ZNF335: variants seen among roughly 807,000 people sequenced by gnomAD.
ZNF335 encodes zinc finger protein 335.
ZNF335 carries 84 observed loss-of-function variants against 145.6 expected under a neutral mutation model. The observed-to-expected ratio is 0.58, with a 90% confidence interval of 0.48 to 0.69. ZNF335 has a LOEUF of 0.69. ZNF335 is among the 30% of genes least tolerant of loss of function. ZNF335 has a pLI of 0.00. For synonymous variants in ZNF335, 761 were observed against 717.0 expected, an observed-to-expected ratio of 1.06 and a Z score of -0.98; for missense variants, 1,865 against 1,809.7, an observed-to-expected ratio of 1.03 and a Z score of -0.55.
intron 6 of ZNF335, among the ~76,000 whole-genome samples, chr20:45,966,374 G>A (rs759726732): frequency 1.3e-5 from 2 of 151,624 alleles, no homozygotes; most frequent in South Asian, 2.1e-4. Context: ...CACTGTGCCC[G>A]GCCAAAACTC....
At chr20:45,963,368 T>A (rs1291697917) in intron 9 of ZNF335, 105 bp downstream of exon 9, 3 of 1,314,012 alleles carry the variant, frequency 2.3e-6, no homozygotes, top group Non-Finnish European at 2.1e-6. Flanking sequence ...CAGGAGAGCG[T>A]GACCCAGAAT....
At chr20:45,952,944 A>G (rs922271219) in intron 18 of ZNF335, among the ~76,000 whole-genome samples, 9 of 152,210 alleles carry the variant, frequency 5.9e-5, no homozygotes, top group African/African-American at 2.2e-4. Context: ...TGTCCTCGGC[A>G]AACATGGCGA....
intron 15 of ZNF335, among the ~76,000 whole-genome samples, chr20:45,958,473 C>G (rs1225881299): frequency 6.6e-6 from 1 of 152,226 alleles, no homozygotes; most frequent in African/African-American, 2.4e-5. Flanking sequence ...GAACCCATGA[C>G]TGTGTGATTC....
rs548989111 is a variant in ZNF335, at chr20:45,950,232, C to G, written c.3474G>C (p.Leu1158=). The G allele has an allele frequency of 1.9e-6, 3 of 1,547,088 alleles. No homozygotes were observed. Among genetic ancestry groups the G allele is most frequent in the East Asian group, 2.3e-5 (1 of 44,352 alleles). The part of the protein sequence containing the change: ...TIILNSDDET[L]ATLHTALQSS... Reference sequence around the variant, plus strand: ...GGGGCAGCTCACTGTGCAGGGTGGCCAGTGTTTCGTCATCACTGTTCAGGA... The same window carrying G: ...GGGGCAGCTCACTGTGCAGGGTGGCGAGTGTTTCGTCATCACTGTTCAGGA... The change falls in exon 22 of 28, where the codon CTG becomes CTC. Residue 1158 remains leucine, a synonymous_variant. Coordinates refer to ENST00000322927, the MANE Select transcript of ZNF335 (RefSeq NM_022095.4).
intron 10 of ZNF335, among the ~76,000 whole-genome samples, chr20:45,961,291 T>C (rs1313453858): frequency 6.6e-6 from 1 of 152,144 alleles, no homozygotes; most frequent in Non-Finnish European, 1.5e-5. Context: ...CTCGGAAGGC[T>C]GAAGCAGAAA....
rs749244637 is a variant in ZNF335, at chr20:45,952,708, C to T, written c.2704G>A (p.Glu902Lys). ...GTSAPGTPYS[E>K]EPAGEAAQAV... ...TGGGCTGCCTCTCCTGCGGGCTCCT[C>T]GCTGTGGGCATGGAGAAGGTTCTAG... is the stretch of plus-strand genomic sequence containing the variant. Residue 902 changes from glutamate (E) to lysine (K), a missense_variant and splice_region_variant, in exon 19 of 28, where the codon GAG (glutamate) becomes AAG (lysine). Glu to Lys is a moderately conservative substitution (Grantham distance 56). Transcript: ENST00000322927. 3.4e-5 allele frequency: 55 copies of T among 1,613,380 alleles called. No homozygotes were observed. The highest frequency in any genetic ancestry group is 8.3e-5 in the Admixed American group (5 of 59,964).
chr20:45,949,102 T>G, intron 27 of ZNF335, 22 bp from the exon 28 acceptor site: 1 of 1,613,610 alleles, frequency 6.2e-7, no homozygotes, highest in Non-Finnish European at 8.5e-7. Context: ...GGGGAAAGTA[T>G]GGTGAGCTGG....
chr20:45,960,992 C>A, intron 10 of ZNF335, 110 bp from the exon 11 acceptor site: 1 of 1,454,972 alleles, frequency 6.9e-7, no homozygotes, highest in Non-Finnish European at 9.4e-7. Flanking sequence ...CTGCCAAGGC[C>A]CCTTTCTCTT....
rs370436635 is a variant in ZNF335 at position 45,969,424 on chromosome 20, C to G, written c.442+27G>C. On this transcript the variant is annotated intron_variant, in intron 3 of 27. Transcript: ENST00000322927. ...GGCTGCCGGACACTGCAGGAAAACCCCTGTGGGGCTCCTCTGCCTGACTCA... is the reference window on the plus strand; with the variant it reads ...GGCTGCCGGACACTGCAGGAAAACCGCTGTGGGGCTCCTCTGCCTGACTCA... The G allele has an allele frequency of 2.0e-6, 3 of 1,490,976 alleles. No homozygotes were observed. The African/African-American group carries it at 4.2e-5, about 21-fold the overall frequency. 92.4% of individuals were successfully genotyped at this position (1,490,976 alleles called of 1,614,324 possible).
intron 10 of ZNF335, among the ~76,000 whole-genome samples, 190 bp from the exon 11 acceptor site, chr20:45,961,072 T>A (rs921909822): frequency 1.3e-5 from 2 of 152,224 alleles, no homozygotes; most frequent in South Asian, 4.1e-4. Context: ...TAACATATTC[T>A]GCACTCAAAT....
In ZNF335 at chr20:45,967,970, A is replaced by G. The variant is rs202149167; in HGVS notation, c.578T>C (p.Ile193Thr). 214 of 1,612,786 alleles carry G rather than the reference A, an allele frequency of 1.3e-4. No homozygotes were observed. In the East Asian group the frequency reaches 3.4e-3, roughly 26 times the overall value. Residue 193 changes from isoleucine to threonine, a missense_variant, in exon 5 of 28, where the codon ATT (isoleucine) becomes ACT (threonine). Transcript: ENST00000322927. ...TGTGGGGCCATCTGCCAGGGCCTCA[A>G]TGGCTGCTAGGCTGTGGGCCAAGGT... ...SSTLAHSLAAIEALADGPTST... is the reference protein window; with the variant it reads ...SSTLAHSLAATEALADGPTST...
chr20:45,967,244 G>A lies in ZNF335; in HGVS notation c.955+250C>T, dbSNP rs1199085491. On this transcript the variant is annotated intron_variant, in intron 6 of 27. Transcript: ENST00000322927. ...AGCAACAGGGCGAGGACCTCCTCTC[G>A]CACCTTTACTTGTATTCTATTTCTG... 17 of 550,888 alleles carry A rather than the reference G, an allele frequency of 3.1e-5. No individual in the cohort carries two copies. The highest frequency in any genetic ancestry group is 1.0e-3 in the Middle Eastern group (2 of 1,992). 34.1% of individuals were successfully genotyped at this position (550,888 alleles called of 1,614,324 possible). A position where few individuals can be genotyped will look rare whatever the true frequency, so the allele number is the denominator to read the frequency against.
rs1226584928 is a variant in ZNF335, at chr20:45,959,311, C to T, written c.2143G>A (p.Glu715Lys). The T allele has an allele frequency of 1.3e-6, 2 of 1,576,448 alleles. No homozygotes were observed. The highest frequency in any genetic ancestry group is 1.8e-5 in the Admixed American group (1 of 56,180). The change falls in exon 15 of 28, where the codon GAG becomes AAG. Residue 715 changes from glutamate to lysine, a missense_variant. Glu to Lys is a moderately conservative substitution (Grantham distance 56). Coordinates refer to ENST00000322927, the MANE Select transcript of ZNF335 (RefSeq NM_022095.4). ...AAGGGGCGACGGCGGGAGGGGGGCT[C>T]CTCAGGGTGGCGCCTCCCCCATTCC... ...FEEWGRRHPE[E>K]PPSRRRPFFS...
Position 45,948,710 on chromosome 20 carries a change from C to T in ZNF335, c.*243G>A. ...ATTGAGACTGACAGGCCAGTGGGTC[C>T]ACCCAAACAAAAATAAATTTCTCTC... On this transcript the variant is annotated 3_prime_UTR_variant, in exon 28 of 28. Coordinates refer to ENST00000322927, the MANE Select transcript of ZNF335 (RefSeq NM_022095.4). The T allele has an allele frequency of 1.9e-6, 1 of 536,358 alleles. No individual in the cohort carries two copies. The highest frequency in any genetic ancestry group is 3.3e-6 in the Non-Finnish European group (1 of 298,842). 33.2% of individuals were successfully genotyped at this position (536,358 alleles called of 1,614,324 possible). A position where few individuals can be genotyped will look rare whatever the true frequency, so the allele number is the denominator to read the frequency against.
At position 45,967,766 on chromosome 20, in the gene ZNF335, A is replaced by AT; in HGVS notation, c.781_782insA (p.Leu261HisfsTer21). ...GAAGTGGCGTTCCCGCATGTGGCGC[A>AT]GCAGTGTGGCCTTGGTGCTGCTCCG... On this transcript the variant is annotated frameshift_variant, in exon 5 of 28. Coordinates refer to ENST00000322927, the MANE Select transcript of ZNF335 (RefSeq NM_022095.4). LOFTEE classifies it high-confidence loss of function. 6.2e-7 allele frequency: 1 copy of AT among 1,613,326 alleles called. No individual in the cohort carries two copies. Among genetic ancestry groups the AT allele is most frequent in the Non-Finnish European group, 8.5e-7 (1 of 1,179,920 alleles).
rs1415867391 is a variant in ZNF335 at position 45,967,949 on chromosome 20, G to C, written c.599C>G (p.Pro200Arg). ...CTCCAGGCATGTGGATGTGGATGTG[G>C]GGCCATCTGCCAGGGCCTCAATGGC... ...LAAIEALADG[P>R]TSTSTCLEAQ... Residue 200 changes from proline to arginine, a missense_variant, in exon 5 of 28, where the codon CCC (proline) becomes CGC (arginine). By Grantham distance (103) the Pro-to-Arg change is moderately radical. Coordinates refer to ENST00000322927, the MANE Select transcript of ZNF335 (RefSeq NM_022095.4). 1 of 1,612,954 alleles carries C rather than the reference G, an allele frequency of 6.2e-7. No homozygotes were observed. Among genetic ancestry groups the C allele is most frequent in the South Asian group, 1.1e-5 (1 of 91,086 alleles).
rs1452405415 is a variant in ZNF335 at position 45,949,416 on chromosome 20, A to C, written c.3754-18T>G. 6.2e-7 allele frequency: 1 copy of C among 1,614,022 alleles called. No individual in the cohort carries two copies. On this transcript the variant is annotated intron_variant, in intron 25 of 27. Transcript: ENST00000322927. ...TCCTGTACCTGCAGAGAGGAAGCCA[A>C]GCTGTGATCCTAGGGAGAGGTCATG...
intron 6 of ZNF335, 67 bp downstream of exon 6, chr20:45,967,427 G>C (rs754763296): frequency 6.2e-7 from 1 of 1,613,106 alleles, no homozygotes; most frequent in Admixed American, 1.7e-5. Flanking sequence ...GGCCCTCCAA[G>C]TGAAAGCTCA....
rs780440760 is a variant in ZNF335, at chr20:45,963,791, CA to C, written c.1301del (p.Leu434ArgfsTer13). The C allele has an allele frequency of 6.2e-7, 1 of 1,614,160 alleles. No homozygotes were observed. Among genetic ancestry groups the C allele is most frequent in the Non-Finnish European group, 8.5e-7 (1 of 1,180,012 alleles). ...APSCPDEHDT[L>X]PRRRGRPSRR... Reference sequence around the variant, plus strand: ...TGGAAGGTCGACCTCGGCGCCGGGGCAGAGTGTCATGCTCATCCGGGCAGGA... The same window carrying C: ...TGGAAGGTCGACCTCGGCGCCGGGGCGAGTGTCATGCTCATCCGGGCAGGA... On this transcript the variant is annotated frameshift_variant, in exon 8 of 28. Transcript: ENST00000322927. LOFTEE classifies it high-confidence loss of function.
Sources: allele counts gnomAD v4.1 joint callset (sites outside exome capture counted in the v4.1 genomes callset), GRCh38; gene constraint gnomAD v4.1.1; transcripts MANE v1.5; gene names NCBI Gene and HGNC (gene_info 2026-07-23, HGNC 2026-07-21).